The following DACH2 variants were observed in gnomAD, a reference collection of about 807,000 sequenced individuals.
The protein encoded by DACH2 is dachshund family transcription factor 2.
In DACH2, 17 loss-of-function variants were observed where a neutral mutation model predicts 35.8. That is an observed-to-expected ratio of 0.48 (90% CI 0.33 to 0.71). The LOEUF (loss-of-function observed/expected upper bound fraction) is 0.71. Among genes scored for constraint, DACH2 ranks in the 30% least tolerant of loss-of-function variants. The pLI is 0.02. For synonymous variants in DACH2, 195 were observed against 177.3 expected (o/e 1.10, Z -0.79); for missense variants, 469 against 472.7 (o/e 0.99, Z 0.07).
Position 86,536,158 on chromosome X carries a change from A to G in DACH2, c.640+21767A>G, listed in dbSNP as rs779281269. ...TTTGCTGTTTATAGCTTTCTTTGGG[A>G]AGAAAACACATGCACAAATTCTGAT... On this transcript the variant is annotated intron_variant, in intron 3 of 11. Coordinates refer to ENST00000373125, the MANE Select transcript of DACH2 (RefSeq NM_053281.3). Among the ~76,000 whole-genome samples, 51 of 111,003 alleles carry G rather than the reference A, an allele frequency of 4.6e-4. No individual in the cohort carries two copies. The East Asian group carries it at 5.7e-3, about 12-fold the overall frequency.
chrX:86,440,609 G>A (rs2037144598), intron 2 of DACH2, among the ~76,000 whole-genome samples: 1 of 111,167 alleles, frequency 9.0e-6, no homozygotes, highest in African/African-American at 3.3e-5. Context: ...CATTGAAGTT[G>A]GATACACATC....
At chrX:86,463,688 A>G (rs776226278) in intron 2 of DACH2, among the ~76,000 whole-genome samples, 75 of 111,949 alleles carry the variant, frequency 6.7e-4, no homozygotes, top group African/African-American at 2.4e-3. Context: ...ATCTAGTCAA[A>G]CTAAAGAGCT....
chrX:86,461,563 C>T (rs1008443233), intron 2 of DACH2, among the ~76,000 whole-genome samples: 13 of 110,926 alleles, frequency 1.2e-4, no homozygotes, highest in Non-Finnish European at 1.9e-5. Context: ...AGGGGTAATG[C>T]ATCTTTAAAA....
At chrX:86,399,670 G>T (rs1393956442) in intron 2 of DACH2, among the ~76,000 whole-genome samples, 1 of 111,481 alleles carries the variant, frequency 9.0e-6, no homozygotes, top group Admixed American at 9.5e-5. Context: ...GAAATTCTGG[G>T]TTGAAAATTC....
intron 2 of DACH2, among the ~76,000 whole-genome samples, chrX:86,483,085 G>A (rs1180229104): frequency 1.1e-4 from 12 of 105,046 alleles, no homozygotes; most frequent in East Asian, 3.0e-4. Flanking sequence ...ACATGTATAC[G>A]TATGTAACTA....
At chrX:86,609,542 A>G (rs2039902568) in intron 3 of DACH2, among the ~76,000 whole-genome samples, 1 of 111,895 alleles carries the variant, frequency 8.9e-6, no homozygotes, top group African/African-American at 3.2e-5. Context: ...GTGTCTAGTT[A>G]TTAAAGAGTT....
intron 4 of DACH2, among the ~76,000 whole-genome samples, chrX:86,681,651 T>C (rs1454860518): frequency 1.9e-5 from 2 of 102,568 alleles, no homozygotes; most frequent in Non-Finnish European, 3.9e-5. Flanking sequence ...TGATATCATA[T>C]ATATATGTTA....
intron 2 of DACH2, among the ~76,000 whole-genome samples, chrX:86,379,932 A>G (rs2036021775): frequency 9.0e-6 from 1 of 110,935 alleles, no homozygotes; most frequent in Admixed American, 9.6e-5. Context: ...GTTTAAATAT[A>G]CTAATGAATG....
chrX:86,705,903 C>T (rs2041211018), intron 5 of DACH2, among the ~76,000 whole-genome samples: 1 of 111,995 alleles, frequency 8.9e-6, no homozygotes, highest in Non-Finnish European at 1.9e-5. Flanking sequence ...CCATGGAATA[C>T]TACTCAGCCA....
intron 6 of DACH2, among the ~76,000 whole-genome samples, chrX:86,737,979 C>T (rs1310108680): frequency 9.0e-6 from 1 of 111,171 alleles, no homozygotes; most frequent in Non-Finnish European, 1.9e-5. Flanking sequence ...TTGCTCATGG[C>T]TCCCTTCTTC....
chrX:86,827,156 A>AGAT (rs1457024640), intron 11 of DACH2, among the ~76,000 whole-genome samples: 5 of 110,224 alleles, frequency 4.5e-5, no homozygotes, highest in African/African-American at 1.6e-4. Context: ...AACACATTAT[A>AGAT]GATACAGTTC....
chrX:86,807,766 C>A (rs2042358547), intron 7 of DACH2, among the ~76,000 whole-genome samples: 1 of 111,597 alleles, frequency 9.0e-6, no homozygotes, highest in African/African-American at 3.3e-5. Flanking sequence ...AATTTTTAGT[C>A]TAAATCTGTC....
intron 7 of DACH2, among the ~76,000 whole-genome samples, chrX:86,767,117 G>C (rs1026866300): frequency 8.9e-6 from 1 of 111,835 alleles, no homozygotes; most frequent in African/African-American, 3.2e-5. Context: ...TCACGGCAGT[G>C]AACAGTTATC....
chrX:86,681,032 GTATC>G (rs961250389), intron 4 of DACH2, among the ~76,000 whole-genome samples: 2 of 110,416 alleles, frequency 1.8e-5, no homozygotes, highest in Admixed American at 9.7e-5. Context: ...ATGTATCTAT[GTATC>G]TATCTATCTG....
chrX:86,162,600 G>GA (rs762083478), intron 1 of DACH2, among the ~76,000 whole-genome samples: 3 of 110,085 alleles, frequency 2.7e-5, no homozygotes, highest in South Asian at 7.7e-4. Flanking sequence ...TGAATAAAAA[G>GA]AAAAAAAACT....
chrX:86,817,081 G>A (rs755533310), intron 11 of DACH2, among the ~76,000 whole-genome samples: 7 of 111,450 alleles, frequency 6.3e-5, no homozygotes, highest in African/African-American at 2.3e-4. Context: ...TGTTTTACAT[G>A]TAGTTTTACA....
intron 2 of DACH2, among the ~76,000 whole-genome samples, chrX:86,390,137 G>A (rs947256444): frequency 1.8e-5 from 2 of 111,261 alleles, no homozygotes; most frequent in African/African-American, 6.5e-5. Context: ...AAGCATTGTC[G>A]AGATTTTGGA....
intron 1 of DACH2, among the ~76,000 whole-genome samples, chrX:86,293,830 T>A (rs4446874): frequency 3.9e-4 from 43 of 109,381 alleles, no homozygotes; most frequent in African/African-American, 1.3e-3. Context: ...AGGGTAACCC[T>A]ATGTTTCTCT....
intron 4 of DACH2, among the ~76,000 whole-genome samples, chrX:86,681,348 C>T (rs2148433043): frequency 9.0e-6 from 1 of 110,980 alleles, no homozygotes; most frequent in Non-Finnish European, 1.9e-5. Context: ...CATGCCTGCA[C>T]TTTATGAGGA....
Sources: allele counts gnomAD v4.1 joint callset (sites outside exome capture counted in the v4.1 genomes callset), GRCh38; gene constraint gnomAD v4.1.1; transcripts MANE v1.5; gene names NCBI Gene and HGNC (gene_info 2026-07-23, HGNC 2026-07-21).